WFDC3: variants seen among roughly 807,000 people sequenced by gnomAD.
WFDC3 encodes the protein WAP four-disulfide core domain protein 3.
In WFDC3, 15 loss-of-function variants were observed where a neutral mutation model predicts 25.8. The ratio of observed to expected loss-of-function variants is 0.58; its 90% CI spans 0.39 to 0.89. The LOEUF is 0.89. Ranked by LOEUF, WFDC3 falls within the 40% of genes least tolerant of loss-of-function variation. The pLI is 0.00. For synonymous variants in WFDC3, 103 were observed against 107.1 expected, an observed-to-expected ratio of 0.96 and a Z score of 0.24; for missense variants, 264 against 289.8, an observed-to-expected ratio of 0.91 and a Z score of 0.65.
intron 1 of WFDC3, among the ~76,000 whole-genome samples, chr20:45,790,694 C>G (rs536435881): frequency 1.8e-4 from 27 of 150,530 alleles, no homozygotes; most frequent in Non-Finnish European, 3.7e-4. Flanking sequence ...CACTGCACTC[C>G]AGCTTGGGTA....
intron 4 of WFDC3, 123 bp downstream of exon 4, chr20:45,787,713 T>TG: frequency 1.0e-6 from 1 of 953,776 alleles, no homozygotes; most frequent in Non-Finnish European, 1.4e-6. Flanking sequence ...CCTTTGTATA[T>TG]CTTTTTTTTT....
At chr20:45,785,158 G>A (rs73306430) in intron 4 of WFDC3, among the ~76,000 whole-genome samples, 2,244 of 152,222 alleles carry the variant, frequency 0.015, 51 homozygotes, top group African/African-American at 0.051. Context: ...AAATACACTT[G>A]ATCAACAGGG....
intron 4 of WFDC3, among the ~76,000 whole-genome samples, chr20:45,785,413 G>C (rs1980623281): frequency 6.8e-6 from 1 of 147,188 alleles, no homozygotes; most frequent in African/African-American, 2.5e-5. Flanking sequence ...AGGTTGCAGT[G>C]AGCCAAGATC....
intron 5 of WFDC3, among the ~76,000 whole-genome samples, chr20:45,776,615 AAAAAAAGAAAAAAAAAAAAAATATAT>A (rs1980176236): frequency 5.9e-5 from 3 of 51,212 alleles, no homozygotes; most frequent in African/African-American, 2.5e-4. Context: ...AAAAAAAAGA[AAAAAAAGAAAAAAAAAAAAAATATAT>A]ATATATATAT....
In WFDC3 at chr20:45,776,611, AAGAAAAAAAAG is replaced by A. The variant is rs1477578116; in HGVS notation, c.493+453_493+463del. 5.6e-3 allele frequency among the ~76,000 whole-genome samples: 300 copies of A among 53,142 alleles called. 3 individuals carry two copies. The highest frequency in any genetic ancestry group is 9.6e-3 in the Middle Eastern group (1 of 104). 34.9% of individuals were successfully genotyped at this position (53,142 alleles called of 152,430 possible). On this transcript the variant is annotated intron_variant, in intron 5 of 6. Coordinates refer to ENST00000243938, the MANE Select transcript of WFDC3 (RefSeq NM_080614.2). ...AGACTCTGTCTCAAAAAAAAAAAAA[AAGAAAAAAAAG>A]AAAAAAAAAAAAAATATATATATAT...
chr20:45,776,996 T>C, intron 5 of WFDC3, 79 bp downstream of exon 5: 1 of 1,604,952 alleles, frequency 6.2e-7, no homozygotes, highest in Non-Finnish European at 8.5e-7. Context: ...ATGAGAATCC[T>C]AGCTCCTCCC....
At chr20:45,791,735 G>C (rs1228676591) in intron 1 of WFDC3, 97 bp downstream of exon 1, 2 of 343,250 alleles carry the variant, frequency 5.8e-6, no homozygotes, top group Admixed American at 4.8e-5. Flanking sequence ...CCTTGGCCCA[G>C]CGGGAAACAT....
intron 6 of WFDC3, 23 bp downstream of exon 6, chr20:45,775,394 T>G: frequency 6.2e-7 from 1 of 1,609,512 alleles, no homozygotes. Flanking sequence ...CTGTTATTGT[T>G]GATGACAATG....
At chr20:45,787,565 C>A (rs950919853) in intron 4 of WFDC3, among the ~76,000 whole-genome samples, 6 of 151,856 alleles carry the variant, frequency 4.0e-5, no homozygotes, top group Admixed American at 1.3e-4. Flanking sequence ...TGCTGGGATT[C>A]CAGGCATGAG....
chr20:45,786,022 C>T (rs1312198122), intron 4 of WFDC3, among the ~76,000 whole-genome samples: 1 of 152,158 alleles, frequency 6.6e-6, no homozygotes, highest in East Asian at 1.9e-4. Context: ...TCCATCGCAC[C>T]CTTCACCTGG....
intron 2 of WFDC3, 21 bp downstream of exon 2, chr20:45,789,873 G>A (rs1332396157): frequency 6.2e-7 from 1 of 1,608,132 alleles, no homozygotes; most frequent in African/African-American, 1.3e-5. Context: ...TGTTGGCCAG[G>A]GATCCCAAAT....
chr20:45,780,110 C>A (rs1335984464), intron 4 of WFDC3, among the ~76,000 whole-genome samples: 4 of 148,908 alleles, frequency 2.7e-5, no homozygotes, highest in African/African-American at 5.0e-5. Flanking sequence ...GCTTTGTCAC[C>A]CAGGCTGGGG....
intron 4 of WFDC3, among the ~76,000 whole-genome samples, chr20:45,783,442 C>T (rs531539040): frequency 3.9e-5 from 6 of 152,070 alleles, no homozygotes; most frequent in African/African-American, 1.2e-4. Context: ...CACACCACTG[C>T]ACTCCAGCCT....
intron 3 of WFDC3, 170 bp from the exon 4 acceptor site, chr20:45,788,152 A>C: frequency 1.7e-6 from 1 of 583,882 alleles, no homozygotes; most frequent in Non-Finnish European, 2.7e-6. Flanking sequence ...AAAAATACAA[A>C]ATTAGTCGGG....
intron 5 of WFDC3, among the ~76,000 whole-genome samples, chr20:45,776,628 AAAAAAAAAT>A (rs2145681359): frequency 7.6e-5 from 5 of 65,414 alleles, no homozygotes; most frequent in African/African-American, 3.3e-4. Flanking sequence ...AAAAGAAAAA[AAAAAAAAAT>A]ATATATATAT....
intron 1 of WFDC3, 32 bp downstream of exon 1, chr20:45,791,800 C>G (rs1481223800): frequency 2.6e-6 from 1 of 390,732 alleles, no homozygotes; most frequent in East Asian, 3.7e-5. Context: ...GCGCAGCCCT[C>G]CCGAGAGGAA....
At chr20:45,783,740 G>C (rs1037254659) in intron 4 of WFDC3, among the ~76,000 whole-genome samples, 1 of 152,000 alleles carries the variant, frequency 6.6e-6, no homozygotes, top group Non-Finnish European at 1.5e-5. Flanking sequence ...ACAGACCAGC[G>C]CTGGCTATGG....
chr20:45,784,405 G>T (rs1980580652), intron 4 of WFDC3, among the ~76,000 whole-genome samples: 1 of 152,196 alleles, frequency 6.6e-6, no homozygotes, highest in Admixed American at 6.5e-5. Flanking sequence ...AGTGATCAGG[G>T]AAGAAGAAAA....
In WFDC3 at chr20:45,789,072, C is replaced by T. The variant is rs1980822125; in HGVS notation, c.83-13G>A. On this transcript the variant is annotated splice_polypyrimidine_tract_variant and intron_variant, in intron 2 of 6. Coordinates refer to ENST00000243938, the MANE Select transcript of WFDC3 (RefSeq NM_080614.2). ...TCTCCCTCTTTTGCTGCAAAAGATA[C>T]TATTTGAGTTTGGGGTAACTAGCCA... 1.9e-6 allele frequency: 3 copies of T among 1,611,910 alleles called. No homozygotes were observed. Among genetic ancestry groups the T allele is most frequent in the South Asian group, 1.1e-5 (1 of 90,808 alleles).
Sources: gnomAD v4.1 joint callset for allele counts (sites outside exome capture counted in the v4.1 genomes callset) on GRCh38, gnomAD v4.1.1 for gene constraint, MANE v1.5 for transcripts, NCBI Gene and HGNC (gene_info 2026-07-23, HGNC 2026-07-21) for gene names.